SLC36A1: variants seen among roughly 807,000 people sequenced by gnomAD.
The protein encoded by SLC36A1 is solute carrier family 36 member 1, also known as proton-coupled amino acid transporter 1.
SLC36A1 carries 30 observed loss-of-function variants against 47.5 expected under a neutral mutation model. The observed-to-expected ratio is 0.63, with a 90% CI of 0.47 to 0.86. The LOEUF is 0.86. Among genes scored for constraint, SLC36A1 ranks in the 40% least tolerant of loss-of-function variants. The pLI is 0.00. For synonymous variants in SLC36A1, 255 were observed against 249.7 expected (o/e 1.02, Z -0.20); for missense variants, 517 against 606.0 (o/e 0.85, Z 1.54).
chr5:151,422,417 T>G, the SLC36A1 span, among the ~76,000 whole-genome samples: 1 of 151,992 alleles, frequency 6.6e-6, no homozygotes, highest in African/African-American at 2.4e-5. Flanking sequence ...ACAATCAGAT[T>G]AAAAAATGGA....
rs777113295 is a variant in SLC36A1 at position 151,488,108 on chromosome 5, A to C, written c.1285A>C (p.Met429Leu). The C allele has an allele frequency of 2.5e-6, 4 of 1,614,166 alleles. No individual in the cohort carries two copies. Among genetic ancestry groups the C allele is most frequent in the Non-Finnish European group, 3.4e-6 (4 of 1,180,000 alleles). ...LEVTTFYSEG[M>L]SPLTIFKDAL... Reference sequence around the variant, plus strand: ...GGTCACCACCTTCTACTCAGAGGGCATGAGCCCCCTCACCATCTTTAAGGA... The same window carrying C: ...GGTCACCACCTTCTACTCAGAGGGCCTGAGCCCCCTCACCATCTTTAAGGA... Residue 429 changes from methionine to leucine, a missense_variant, in exon 11 of 11, where the codon ATG (methionine) becomes CTG (leucine). By Grantham distance (15) the Met-to-Leu change is conservative. Coordinates refer to ENST00000243389, the MANE Select transcript of SLC36A1 (RefSeq NM_078483.4).
chr5:151,527,360 C>T, the SLC36A1 span: 1 of 1,609,656 alleles, frequency 6.2e-7, no homozygotes, highest in Middle Eastern at 1.7e-4. Context: ...CTCGGAGCTT[C>T]AGGGAATAAC....
chr5:151,542,474 G>C, the SLC36A1 span: 1 of 1,614,176 alleles, frequency 6.2e-7, no homozygotes, highest in Admixed American at 1.7e-5. Context: ...GAGGATAGCT[G>C]GATGGTCTGT....
the SLC36A1 span, among the ~76,000 whole-genome samples, chr5:151,350,042 C>T: frequency 6.6e-6 from 1 of 152,104 alleles, no homozygotes; most frequent in Non-Finnish European, 1.5e-5. Context: ...CACTGGTACT[C>T]CTTTGGGCTA....
chr5:151,461,130 G>T (rs1379759799), intron 2 of SLC36A1, among the ~76,000 whole-genome samples: 1 of 150,696 alleles, frequency 6.6e-6, no homozygotes. Flanking sequence ...TGAGACTACA[G>T]GCATGCTCCT....
chr5:151,455,078 T>C (rs570205456), intron 1 of SLC36A1, among the ~76,000 whole-genome samples: 2 of 152,150 alleles, frequency 1.3e-5, no homozygotes, highest in Non-Finnish European at 2.9e-5. Context: ...GAGAACACAT[T>C]ATCTGGCAAT....
chr5:151,481,379 A>G (rs1758779509), intron 10 of SLC36A1, among the ~76,000 whole-genome samples: 1 of 152,232 alleles, frequency 6.6e-6, no homozygotes, highest in Non-Finnish European at 1.5e-5. Flanking sequence ...TGTGGGACTC[A>G]GTAGAGGCCT....
the SLC36A1 span, among the ~76,000 whole-genome samples, chr5:151,532,666 T>C: frequency 1.3e-5 from 2 of 152,068 alleles, no homozygotes; most frequent in Non-Finnish European, 2.9e-5. Flanking sequence ...TCTTAGTAAA[T>C]CAAAACACAC....
the SLC36A1 span, among the ~76,000 whole-genome samples, chr5:151,428,018 C>T: frequency 3.9e-5 from 6 of 152,114 alleles, no homozygotes; most frequent in Non-Finnish European, 7.4e-5. Flanking sequence ...GCTACAGCCT[C>T]GTGCTCCTGA....
intron 3 of SLC36A1, among the ~76,000 whole-genome samples, 187 bp from the exon 4 acceptor site, chr5:151,464,327 G>C (rs1439270173): frequency 6.6e-6 from 1 of 152,194 alleles, no homozygotes; most frequent in African/African-American, 2.4e-5. Context: ...CTAAAGTTCA[G>C]ATAACACCCA....
At chr5:151,539,894 C>T in the SLC36A1 span, among the ~76,000 whole-genome samples, 2 of 152,116 alleles carry the variant, frequency 1.3e-5, no homozygotes, top group Non-Finnish European at 2.9e-5. Flanking sequence ...AATGAAATTG[C>T]CCTGTCTCGT....
At chr5:151,411,360 A>G in the SLC36A1 span, among the ~76,000 whole-genome samples, 4 of 144,942 alleles carry the variant, frequency 2.8e-5, 2 homozygotes, top group South Asian at 1.0e-3. Context: ...CTCCTTCTGT[A>G]TCAGGTATAG....
At chr5:151,472,264 G>A (rs1311345043) in intron 7 of SLC36A1, among the ~76,000 whole-genome samples, 2 of 152,264 alleles carry the variant, frequency 1.3e-5, no homozygotes, top group Non-Finnish European at 2.9e-5. Context: ...CAGCACGGGA[G>A]AAAGATGTAG....
At chr5:151,407,911 C>T in the SLC36A1 span, among the ~76,000 whole-genome samples, 76 of 152,284 alleles carry the variant, frequency 5.0e-4, no homozygotes, top group Admixed American at 2.3e-3. Context: ...TAATAAAGTT[C>T]CTCCTCTAAT....
chr5:151,550,440 G>A, the SLC36A1 span: 1 of 844,426 alleles, frequency 1.2e-6, no homozygotes, highest in African/African-American at 1.7e-5. Context: ...CCTTATGGAA[G>A]GTGCCCTTAG....
the SLC36A1 span, chr5:151,507,008 T>C: frequency 1.5e-6 from 1 of 674,958 alleles, no homozygotes; most frequent in South Asian, 2.1e-5. Context: ...CCGTGCCCTG[T>C]AATCTTGAAC....
the SLC36A1 span, chr5:151,512,244 G>A: frequency 6.2e-7 from 1 of 1,614,204 alleles, no homozygotes; most frequent in Non-Finnish European, 8.5e-7. The surrounding 1 kb of genome is among the most constrained non-coding windows in gnomAD (Gnocchi z 4.1). Context: ...GGCAGCACTG[G>A]GTGAGGGCTT....
upstream of SLC36A1, among the ~76,000 whole-genome samples, chr5:151,443,528 G>A (rs1284593177): frequency 6.6e-6 from 1 of 152,016 alleles, no homozygotes; most frequent in Non-Finnish European, 1.5e-5. Flanking sequence ...TTTTTCTATT[G>A]CTGAGTTATA....
chr5:151,411,194 G>A, the SLC36A1 span, among the ~76,000 whole-genome samples: 1 of 144,820 alleles, frequency 6.9e-6, no homozygotes, highest in Non-Finnish European at 1.5e-5. Flanking sequence ...CTCATCCATG[G>A]TGGGTGTCAG....
Sources: gnomAD v4.1 joint callset for allele counts (sites outside exome capture counted in the v4.1 genomes callset) on GRCh38, gnomAD v4.1.1 for gene constraint, Gnocchi (gnomAD v3.1) non-coding constraint, MANE v1.5 for transcripts, NCBI Gene and HGNC (gene_info 2026-07-23, HGNC 2026-07-21) for gene names.